Variants in CFAP53 observed in about 807,000 individuals in gnomAD.
The protein encoded by CFAP53 is cilia- and flagella-associated protein 53.
A neutral mutation model predicts 59.7 loss-of-function variants in CFAP53; 62 were observed. That is an observed-to-expected ratio of 1.04 (90% CI 0.85 to 1.28). CFAP53 has a LOEUF of 1.28. Ranked by LOEUF, CFAP53 falls within the 50% of genes most tolerant of loss-of-function variation. The probability of loss-of-function intolerance (pLI) is 0.00; values close to 1 mark genes in which losing one functional copy is unlikely to be tolerated. For synonymous variants in CFAP53, 218 were observed against 205.7 expected (o/e 1.06, Z -0.51); for missense variants, 629 against 615.6 (o/e 1.02, Z -0.23).
At chr18:50,250,219 CAAAAA>C (rs58912526) in intron 5 of CFAP53, among the ~76,000 whole-genome samples, 7 of 117,620 alleles carry the variant, frequency 6.0e-5, no homozygotes, top group East Asian at 2.5e-4. Flanking sequence ...ACCCCTGTCT[CAAAAA>C]AAAAAAAAAA....
chr18:50,260,248 A>G (rs1165430599), intron 3 of CFAP53, among the ~76,000 whole-genome samples: 1 of 152,184 alleles, frequency 6.6e-6, no homozygotes, highest in Non-Finnish European at 1.5e-5. Context: ...TGAGTACAGT[A>G]AAGACCAGGG....
chr18:50,263,163 G>A (rs1352987864), intron 1 of CFAP53, among the ~76,000 whole-genome samples: 2 of 152,280 alleles, frequency 1.3e-5, no homozygotes, highest in East Asian at 1.9e-4. Context: ...ATGTTGCTGG[G>A]TGGGCTTGAT....
intron 5 of CFAP53, among the ~76,000 whole-genome samples, chr18:50,250,516 C>A (rs1249419089): frequency 6.6e-6 from 1 of 152,184 alleles, no homozygotes; most frequent in Non-Finnish European, 1.5e-5. Flanking sequence ...GCATCAGAAT[C>A]ACCTGGGGGA....
At chr18:50,262,778 A>G (rs914805789) in intron 1 of CFAP53, among the ~76,000 whole-genome samples, 6 of 152,236 alleles carry the variant, frequency 3.9e-5, no homozygotes, top group Non-Finnish European at 7.3e-5. Flanking sequence ...ATATGGATAT[A>G]TAACGAGTTG....
chr18:50,266,163 G>T (rs907714618), intron 1 of CFAP53, among the ~76,000 whole-genome samples, 173 bp downstream of exon 1: 1 of 152,266 alleles, frequency 6.6e-6, no homozygotes, highest in East Asian at 1.9e-4. Flanking sequence ...GAGAGGTGGG[G>T]TAGATAGGTG....
rs560146075 is a variant in CFAP53, at chr18:50,230,949, A to G, written c.1317-3340T>C. On this transcript the variant is annotated intron_variant, in intron 7 of 7. Coordinates refer to ENST00000398545, the MANE Select transcript of CFAP53 (RefSeq NM_145020.5). ...CCCTCCCCATATGTGTATCCTATTT[A>G]GGGAAAAGGAATCAGGCTGGCGGAA... 1.2e-4 allele frequency among the ~76,000 whole-genome samples: 19 copies of G among 152,326 alleles called. No homozygotes were observed. The South Asian group carries it at 1.7e-3, about 13-fold the overall frequency.
chr18:50,239,673 G>A (rs1302110167), intron 6 of CFAP53, among the ~76,000 whole-genome samples: 1 of 152,140 alleles, frequency 6.6e-6, no homozygotes, highest in East Asian at 1.9e-4. Flanking sequence ...TAACAGATTT[G>A]TAGGCAGTCA....
At chr18:50,255,515 T>G (rs1485430402) in intron 3 of CFAP53, among the ~76,000 whole-genome samples, 1 of 152,076 alleles carries the variant, frequency 6.6e-6, no homozygotes, top group Non-Finnish European at 1.5e-5. Flanking sequence ...GTAAATGGGA[T>G]CTCTGTACTA....
intron 1 of CFAP53, among the ~76,000 whole-genome samples, chr18:50,262,837 G>A (rs933379672): frequency 6.6e-6 from 1 of 152,096 alleles, no homozygotes; most frequent in African/African-American, 2.4e-5. Context: ...AGTGAGGGAG[G>A]AAGAGAGGAG....
chr18:50,229,726 C>CTT (rs200521172), intron 7 of CFAP53, among the ~76,000 whole-genome samples: 11 of 121,040 alleles, frequency 9.1e-5, no homozygotes, highest in African/African-American at 3.2e-4. Flanking sequence ...TAGTCTCTTT[C>CTT]TTTTTTTCTT....
At chr18:50,231,274 T>C (rs149297388) in intron 7 of CFAP53, among the ~76,000 whole-genome samples, 3,211 of 152,308 alleles carry the variant, frequency 0.021, 118 homozygotes, top group African/African-American at 0.073. Context: ...TGAGTTTTCC[T>C]ACTTTCTCTA....
intron 5 of CFAP53, among the ~76,000 whole-genome samples, chr18:50,249,693 C>G (rs2033779535): frequency 6.6e-6 from 1 of 151,762 alleles, no homozygotes; most frequent in Non-Finnish European, 1.5e-5. Flanking sequence ...AAATGAAGAA[C>G]AGGGTTAAGA....
chr18:50,247,168 A>C (rs886986055), intron 5 of CFAP53, among the ~76,000 whole-genome samples: 3 of 152,234 alleles, frequency 2.0e-5, no homozygotes, highest in Non-Finnish European at 2.9e-5. Context: ...GACTTCTCCA[A>C]GGAAGATCTA....
At chr18:50,228,821 CA>C (rs1160784889) in intron 7 of CFAP53, among the ~76,000 whole-genome samples, 1 of 151,626 alleles carries the variant, frequency 6.6e-6, no homozygotes, top group Non-Finnish European at 1.5e-5. Context: ...AAAAACAAAA[CA>C]AAAAAATTTA....
In CFAP53 at chr18:50,261,117, C is replaced by T. The variant is rs746021914; in HGVS notation, c.420G>A (p.Lys140=). Residue 140 remains lysine, a synonymous_variant, in exon 3 of 8, where the codon AAG becomes AAA. Transcript: ENST00000398545. ...CAAAATCCTGCCTCTCTTTTTCATT[C>T]TTCTCTTTTAGTAATTTAGTTTTCT... ...MREKTKLLKE[K]NEKERQDFVA... is the part of the protein sequence containing the mutation. 86 of 1,597,198 alleles carry T rather than the reference C, an allele frequency of 5.4e-5. No individual in the cohort carries two copies. Among genetic ancestry groups the T allele is most frequent in the Non-Finnish European group, 7.1e-5 (83 of 1,175,630 alleles).
intron 7 of CFAP53, among the ~76,000 whole-genome samples, chr18:50,231,816 ACT>A (rs1386144401): frequency 6.6e-6 from 1 of 152,060 alleles, no homozygotes; most frequent in Non-Finnish European, 1.5e-5. Flanking sequence ...TGACTCAGAC[ACT>A]CTTTCTCACT....
At chr18:50,237,528 C>G (rs760146551) in intron 7 of CFAP53, among the ~76,000 whole-genome samples, 64 of 150,944 alleles carry the variant, frequency 4.2e-4, no homozygotes, top group Non-Finnish European at 7.1e-4. Flanking sequence ...ATTAACCATA[C>G]TCTTTCTAGA....
chr18:50,231,636 G>A (rs906175749), intron 7 of CFAP53, among the ~76,000 whole-genome samples: 1 of 152,334 alleles, frequency 6.6e-6, no homozygotes, highest in South Asian at 2.1e-4. Context: ...TTTGGCAACT[G>A]ACAGTAACCA....
chr18:50,266,277 C>G, intron 1 of CFAP53, 59 bp downstream of exon 1: 1 of 1,553,778 alleles, frequency 6.4e-7, no homozygotes, highest in Non-Finnish European at 8.9e-7. Context: ...ATAGGCCAGG[C>G]CTGGAGTGCG....
Sources: allele counts gnomAD v4.1 joint callset (sites outside exome capture counted in the v4.1 genomes callset), GRCh38; gene constraint gnomAD v4.1.1; transcripts MANE v1.5; gene names NCBI Gene and HGNC (gene_info 2026-07-23, HGNC 2026-07-21).